Variants in TLK1 observed in about 807,000 individuals in gnomAD.
TLK1 encodes serine/threonine-protein kinase tousled-like 1.
A neutral mutation model predicts 105.3 loss-of-function variants in TLK1; 24 were observed. The observed-to-expected ratio is 0.23, with a 90% CI of 0.17 to 0.32. TLK1 has a LOEUF of 0.32. TLK1 is among the 10% of genes least tolerant of loss of function. The pLI, the probability that TLK1 is intolerant of heterozygous loss-of-function variation, is 1.00. For missense variants in TLK1, 558 were observed against 910.5 expected, an observed-to-expected ratio of 0.61 and a Z score of 4.98; for synonymous variants, 321 against 310.4, an observed-to-expected ratio of 1.03 and a Z score of -0.36.
chr2:171,116,793 C>T (rs569829492), intron 2 of TLK1, among the ~76,000 whole-genome samples: 8 of 152,146 alleles, frequency 5.3e-5, no homozygotes, highest in South Asian at 4.2e-4. Context: ...TGGATGGTGT[C>T]AAGTGTTTCT....
chr2:171,002,989 G>C (rs1056385750), intron 18 of TLK1, among the ~76,000 whole-genome samples: 1 of 151,658 alleles, frequency 6.6e-6, no homozygotes, highest in Non-Finnish European at 1.5e-5. Context: ...AAAGTACAAG[G>C]TTTCGCTGGG....
At chr2:171,068,723 T>C (rs112022662) in intron 3 of TLK1, among the ~76,000 whole-genome samples, 4 of 152,310 alleles carry the variant, frequency 2.6e-5, no homozygotes, top group African/African-American at 9.6e-5. Flanking sequence ...GTACGTTGTA[T>C]AGTTCCCACA....
chr2:171,099,399 A>C (rs966813988), intron 2 of TLK1, among the ~76,000 whole-genome samples: 3 of 152,222 alleles, frequency 2.0e-5, no homozygotes, highest in African/African-American at 7.2e-5. Context: ...TTCATGTGCT[A>C]GAAGACTTAA....
chr2:171,191,615 C>T (rs1466557564), intron 1 of TLK1, among the ~76,000 whole-genome samples: 1 of 152,136 alleles, frequency 6.6e-6, no homozygotes, highest in Non-Finnish European at 1.5e-5. Flanking sequence ...TCAGGCATCT[C>T]ACATCAGCCA....
chr2:171,101,223 G>A (rs894468022), intron 2 of TLK1, among the ~76,000 whole-genome samples: 12 of 151,712 alleles, frequency 7.9e-5, no homozygotes, highest in African/African-American at 2.7e-4. Flanking sequence ...GTACGTGCCT[G>A]TAATCCCAGC....
At chr2:171,204,115 G>C (rs1558990304) in intron 1 of TLK1, among the ~76,000 whole-genome samples, 1 of 152,076 alleles carries the variant, frequency 6.6e-6, no homozygotes, top group Non-Finnish European at 1.5e-5. Flanking sequence ...ATTTAAGTAA[G>C]CATTTTGTAT....
At chr2:171,081,483 A>G (rs1038667539) in intron 3 of TLK1, among the ~76,000 whole-genome samples, 4 of 152,252 alleles carry the variant, frequency 2.6e-5, no homozygotes, top group East Asian at 1.9e-4. Flanking sequence ...GAAATGTTCC[A>G]AAGTCCAGGA....
rs778004172 is a variant in TLK1, at chr2:171,056,531, G to T, written c.489C>A (p.Gly163=). The T allele has an allele frequency of 1.2e-6, 2 of 1,612,246 alleles. No individual in the cohort carries two copies. ...QGGNGSSPVR[G]IPPAIRSPQN... is the part of the protein sequence containing the mutation. ...GAGGAGAACGGATTGCAGGAGGTAT[G>T]CCTCTTACTGGACTTGAGCCATTTC... Residue 163 remains glycine (G), a synonymous_variant, in exon 6 of 21, where the codon GGC becomes GGA. Transcript: ENST00000431350.
chr2:171,210,892 C>G (rs11887065), intron 1 of TLK1, among the ~76,000 whole-genome samples: 27,665 of 152,104 alleles, frequency 0.18, 2,659 homozygotes, highest in South Asian at 0.29. Flanking sequence ...AGAAGGGAAG[C>G]TGCATTTGAA....
chr2:171,195,447 C>G (rs55881888), intron 1 of TLK1, among the ~76,000 whole-genome samples: 20,756 of 142,656 alleles, frequency 0.15, 2,138 homozygotes, highest in African/African-American at 0.3. Flanking sequence ...AGCTTGCAGT[C>G]AGCCCAGATG....
intron 3 of TLK1, among the ~76,000 whole-genome samples, chr2:171,073,094 C>T (rs1190228004): frequency 6.6e-6 from 1 of 152,012 alleles, no homozygotes; most frequent in African/African-American, 2.4e-5. Flanking sequence ...CTGAATTTAT[C>T]AGTTCTAATA....
chr2:171,124,419 T>C (rs956774014), intron 1 of TLK1, among the ~76,000 whole-genome samples: 12 of 152,198 alleles, frequency 7.9e-5, no homozygotes, highest in Non-Finnish European at 1.8e-4. Context: ...TTCTCTTTAT[T>C]AAAAAAATTT....
At chr2:171,022,018 G>A (rs551703406) in intron 12 of TLK1, among the ~76,000 whole-genome samples, 42 of 151,522 alleles carry the variant, frequency 2.8e-4, no homozygotes, top group South Asian at 2.1e-4. Flanking sequence ...CAGGAGAATC[G>A]ATTGAACCTG....
rs187562442 is a variant in TLK1 at position 171,188,720 on chromosome 2, A to G, written c.-6+42425T>C. On this transcript the variant is annotated intron_variant, in intron 1 of 20. Transcript: ENST00000521943. ...GACTCTGTCTCAAAAAAAAAAAAAA[A>G]AAAAAGAAAATTAGTAGGACGTGGT... 8.9e-3 allele frequency among the ~76,000 whole-genome samples: 1,354 copies of G among 151,310 alleles called. 16 individuals carry two copies. The highest frequency in any genetic ancestry group is 0.029 in the African/African-American group (1,215 of 41,252).
chr2:171,085,004 C>A (rs1451497517), intron 2 of TLK1, among the ~76,000 whole-genome samples: 1 of 151,954 alleles, frequency 6.6e-6, no homozygotes, highest in Non-Finnish European at 1.5e-5. Flanking sequence ...TAAGCTACAG[C>A]TGATGATGAA....
chr2:171,181,794 T>C (rs1384339790), intron 1 of TLK1, among the ~76,000 whole-genome samples: 1 of 152,138 alleles, frequency 6.6e-6, no homozygotes, highest in Non-Finnish European at 1.5e-5. Context: ...ACCTCCAACA[T>C]TAGGGATCAA....
chr2:171,160,449 C>G lies in TLK1; in HGVS notation c.-21G>C. The G allele has an allele frequency of 6.3e-7, 1 of 1,587,106 alleles. No individual in the cohort carries two copies. Among genetic ancestry groups the G allele is most frequent in the South Asian group, 1.1e-5 (1 of 88,188 alleles). On this transcript the variant is annotated 5_prime_UTR_variant, in exon 1 of 21. Coordinates refer to ENST00000431350, the MANE Select transcript of TLK1 (RefSeq NM_012290.5). The surrounding 1 kb of genome is among the most constrained non-coding windows in gnomAD (Gnocchi z 4.4). ...CTCATCAAGCTACTTTCTGGGAACC[C>G]GACTCCCCCCCTGCGACGGCAGCGG... is the stretch of plus-strand genomic sequence containing the variant.
At chr2:171,142,493 A>G (rs1575624677) in intron 1 of TLK1, among the ~76,000 whole-genome samples, 1 of 152,242 alleles carries the variant, frequency 6.6e-6, no homozygotes, top group Non-Finnish European at 1.5e-5. Context: ...CACTAGATTA[A>G]AAACACTACA....
intron 1 of TLK1, among the ~76,000 whole-genome samples, chr2:171,154,116 T>C (rs1288501452): frequency 1.3e-5 from 2 of 151,600 alleles, no homozygotes; most frequent in Non-Finnish European, 2.9e-5. Flanking sequence ...CTCAAACTCC[T>C]GGACTCAAGC....
Sources: gnomAD v4.1 joint callset for allele counts (sites outside exome capture counted in the v4.1 genomes callset) on GRCh38, gnomAD v4.1.1 for gene constraint, Gnocchi (gnomAD v3.1) non-coding constraint, MANE v1.5 for transcripts, NCBI Gene and HGNC (gene_info 2026-07-23, HGNC 2026-07-21) for gene names.